Variants in DMD observed in about 807,000 individuals in gnomAD.
DMD encodes the protein mutant dystrophin.
In DMD, 63 loss-of-function variants were observed where a neutral mutation model predicts 330.1. The observed-to-expected ratio is 0.19, with a 90% CI of 0.16 to 0.24. DMD has a LOEUF of 0.24. Among genes scored for constraint, DMD ranks in the 10% least tolerant of loss-of-function variants. The probability of loss-of-function intolerance (pLI) is 1.00; values close to 1 mark genes in which losing one functional copy is unlikely to be tolerated. For synonymous variants in DMD, 1,223 were observed against 959.8 expected, an observed-to-expected ratio of 1.27 and a Z score of -5.07; for missense variants, 3,344 against 2,684.1, an observed-to-expected ratio of 1.25 and a Z score of -5.43.
chrX:31,715,340 C>T (rs1032902904), intron 52 of DMD, among the ~76,000 whole-genome samples: 1 of 105,962 alleles, frequency 9.4e-6, no homozygotes, highest in Non-Finnish European at 1.9e-5. Flanking sequence ...GTCAGGAGAT[C>T]GAGACCATCC....
At chrX:32,673,917 T>C (rs942966092) in intron 9 of DMD, among the ~76,000 whole-genome samples, 32 of 111,675 alleles carry the variant, frequency 2.9e-4, no homozygotes, top group African/African-American at 9.4e-4. Context: ...AGCCTATAAA[T>C]AGTAAACAAA....
chrX:32,623,291 C>G (rs1236577960), intron 11 of DMD, among the ~76,000 whole-genome samples: 2 of 111,137 alleles, frequency 1.8e-5, no homozygotes, highest in Non-Finnish European at 3.8e-5. Flanking sequence ...CAAGGCTGAA[C>G]CAGAGGAAGA....
rs184065645 is a variant in DMD, at chrX:32,022,390, G to T, written c.6439-53876C>A. On this transcript the variant is annotated intron_variant, in intron 44 of 78. Transcript: ENST00000357033. Reference sequence around the variant, plus strand: ...TATTAAAAATTATCTCTCCTTTGTGGAACTCAATCTGACCATACAATTTGC... The same window carrying T: ...TATTAAAAATTATCTCTCCTTTGTGTAACTCAATCTGACCATACAATTTGC... Among the ~76,000 whole-genome samples, 365 of 111,910 alleles carry T rather than the reference G, an allele frequency of 3.3e-3. 1 individual carries two copies. The highest frequency in any genetic ancestry group is 0.012 in the African/African-American group (357 of 30,875).
intron 1 of DMD, among the ~76,000 whole-genome samples, chrX:33,262,766 C>CA (rs886230844): frequency 8.2e-5 from 9 of 109,779 alleles, no homozygotes; most frequent in Admixed American, 2.0e-4. Context: ...TCACTATTCA[C>CA]AAAAAAACCC....
chrX:31,846,388 G>A (rs1000719760), intron 48 of DMD, among the ~76,000 whole-genome samples: 2 of 108,375 alleles, frequency 1.8e-5, no homozygotes, highest in Non-Finnish European at 3.8e-5. Flanking sequence ...ATAACAAGGT[G>A]AGTAAAACAA....
chrX:33,016,184 A>G (rs1365284067), intron 2 of DMD, among the ~76,000 whole-genome samples: 2 of 111,230 alleles, frequency 1.8e-5, no homozygotes, highest in Non-Finnish European at 3.8e-5. Flanking sequence ...GAACTCCCCC[A>G]AACTCCATGA....
intron 44 of DMD, among the ~76,000 whole-genome samples, chrX:32,049,445 T>C (rs1049417532): frequency 9.9e-5 from 11 of 111,265 alleles, no homozygotes; most frequent in African/African-American, 3.3e-4. Flanking sequence ...AATTACTAAA[T>C]GGAAATGGTT....
chrX:32,801,853 G>T (rs1329503921), intron 7 of DMD, among the ~76,000 whole-genome samples: 2 of 111,199 alleles, frequency 1.8e-5, no homozygotes, highest in African/African-American at 6.6e-5. Context: ...CCTCTGTTCT[G>T]TTCCATTCGT....
intron 1 of DMD, among the ~76,000 whole-genome samples, chrX:33,217,313 A>G (rs2052075309): frequency 1.8e-5 from 2 of 111,801 alleles, no homozygotes; most frequent in African/African-American, 6.5e-5. Context: ...CAAATAGACA[A>G]AAATGTTTCA....
rs2095750023 is a variant in DMD at position 32,015,120 on chromosome X, A to G, written c.6439-46606T>C. On this transcript the variant is annotated intron_variant, in intron 44 of 78. Coordinates refer to ENST00000357033, the MANE Select transcript of DMD (RefSeq NM_004006.3). Reference sequence around the variant, plus strand: ...ATACTGATGTCTGGGTCCTGCCTCCATAGATTCTGATTCAATTGGTCTAGA... The same window carrying G: ...ATACTGATGTCTGGGTCCTGCCTCCGTAGATTCTGATTCAATTGGTCTAGA... 2.7e-5 allele frequency among the ~76,000 whole-genome samples: 3 copies of G among 111,800 alleles called. No homozygotes were observed. In the Admixed American group the frequency reaches 2.8e-4, roughly 11 times the overall value.
chrX:32,343,602 T>G (rs1320663782), intron 39 of DMD, among the ~76,000 whole-genome samples: 3 of 111,334 alleles, frequency 2.7e-5, no homozygotes, highest in Non-Finnish European at 3.8e-5. Flanking sequence ...TGCAAGAGTT[T>G]AATATACGAA....
At chrX:32,126,224 T>C (rs1569545216) in intron 44 of DMD, among the ~76,000 whole-genome samples, 1 of 112,470 alleles carries the variant, frequency 8.9e-6, no homozygotes, top group Non-Finnish European at 1.9e-5. Context: ...ATGCCGTTTC[T>C]GTGCTTTGCA....
intron 51 of DMD, among the ~76,000 whole-genome samples, chrX:31,754,394 A>G (rs980272223): frequency 9.0e-6 from 1 of 111,291 alleles, no homozygotes; most frequent in African/African-American, 3.3e-5. Context: ...ACAACACACA[A>G]TTCTCTTATT....
intron 78 of DMD, 101 bp from the exon 79 acceptor site, chrX:31,122,031 G>GTTGTCTTCACCCAGAAA: frequency 1.5e-6 from 1 of 658,654 alleles, no homozygotes; most frequent in Non-Finnish European, 2.5e-6. Flanking sequence ...CCATTTCTGG[G>GTTGTCTTCACCCAGAAA]TGAAGACAAC....
chrX:31,483,289 G>A (rs1037205238), intron 57 of DMD, among the ~76,000 whole-genome samples: 7 of 109,882 alleles, frequency 6.4e-5, no homozygotes, highest in South Asian at 3.9e-4. Context: ...CTCGTGATCT[G>A]CCCGCCTTGG....
intron 13 of DMD, among the ~76,000 whole-genome samples, chrX:32,580,166 C>A (rs763776229): frequency 9.0e-6 from 1 of 111,201 alleles, no homozygotes; most frequent in South Asian, 3.8e-4. Context: ...CCCAGGCATT[C>A]CTTGGTAGCT....
At chrX:31,323,216 G>A (rs1486065088) in intron 62 of DMD, among the ~76,000 whole-genome samples, 1 of 111,726 alleles carries the variant, frequency 9.0e-6, no homozygotes, top group Non-Finnish European at 1.9e-5. Context: ...ACATATAACT[G>A]CGGAAATCTT....
At chrX:32,200,848 C>A (rs1433194843) in intron 44 of DMD, among the ~76,000 whole-genome samples, 1 of 111,519 alleles carries the variant, frequency 9.0e-6, no homozygotes, top group Non-Finnish European at 1.9e-5. Context: ...CTAGGGGGCA[C>A]TGAATTGGAC....
At chrX:31,552,792 A>C (rs368945593) in intron 55 of DMD, among the ~76,000 whole-genome samples, 1 of 111,938 alleles carries the variant, frequency 8.9e-6, no homozygotes, top group Non-Finnish European at 1.9e-5. Flanking sequence ...ATCTTCAGCA[A>C]ATTTCTTATC....
Sources: gnomAD v4.1 joint callset for allele counts (sites outside exome capture counted in the v4.1 genomes callset) on GRCh38, gnomAD v4.1.1 for gene constraint, MANE v1.5 for transcripts, NCBI Gene and HGNC (gene_info 2026-07-23, HGNC 2026-07-21) for gene names.